ADPRHL1: variants seen among roughly 807,000 people sequenced by gnomAD.
ADPRHL1 encodes ADP-ribosylhydrolase like 1.
ADPRHL1 carries 43 observed loss-of-function variants against 44.1 expected under a neutral mutation model. That is an observed-to-expected ratio of 0.98 (90% CI 0.76 to 1.26). The LOEUF (loss-of-function observed/expected upper bound fraction) is 1.26. Among genes scored for constraint, ADPRHL1 ranks in the 50% most tolerant of loss-of-function variants. The pLI is 0.00. For synonymous variants in ADPRHL1, 878 were observed against 1,017.4 expected, an observed-to-expected ratio of 0.86 and a Z score of 2.61; for missense variants, 2,022 against 2,496.9, an observed-to-expected ratio of 0.81 and a Z score of 4.05.
chr13:113,417,459 CCAGACA>C (rs952887767), intron 7 of ADPRHL1, among the ~76,000 whole-genome samples: 12 of 152,248 alleles, frequency 7.9e-5, no homozygotes, highest in Non-Finnish European at 1.2e-4. Context: ...GTGTGTGGTG[CCAGACA>C]CAGAGTGCCC....
At chr13:113,436,358 C>T (rs2044056168) in intron 2 of ADPRHL1, among the ~76,000 whole-genome samples, 1 of 122,884 alleles carries the variant, frequency 8.1e-6, no homozygotes, top group Admixed American at 8.3e-5. Flanking sequence ...CCCCGGGACC[C>T]AGCACCCAGG....
At position 113,453,179 on chromosome 13, in the gene ADPRHL1, T is replaced by C. The variant is rs371511123; in HGVS notation, c.214+45A>G. 5.0e-6 allele frequency: 8 copies of C among 1,604,212 alleles called. No individual in the cohort carries two copies. Among genetic ancestry groups the C allele is most frequent in the Non-Finnish European group, 5.1e-6 (6 of 1,172,192 alleles). On this transcript the variant is annotated intron_variant, in intron 1 of 7. Coordinates refer to ENST00000612156, the MANE Select transcript of ADPRHL1 (RefSeq NM_001394807.1). The surrounding 1 kb of genome is among the most constrained non-coding windows in gnomAD (Gnocchi z 5.4). The stretch of plus-strand genomic sequence containing the variant: ...TTACTGGGAGAACTCGAGCAGCCAG[T>C]GTTCCCTCCAGCCCGCACACCGGAG...
At chr13:113,412,130 G>A (rs1487358549) in intron 7 of ADPRHL1, among the ~76,000 whole-genome samples, 2 of 152,186 alleles carry the variant, frequency 1.3e-5, no homozygotes, top group East Asian at 3.9e-4. Flanking sequence ...CCAGCTCAGC[G>A]TGTGCTGCTG....
chr13:113,445,623 A>G (rs1214394852), intron 1 of ADPRHL1, among the ~76,000 whole-genome samples: 5 of 152,106 alleles, frequency 3.3e-5, no homozygotes, highest in Non-Finnish European at 7.4e-5. Flanking sequence ...GAGGGGTGGG[A>G]ATGAATGGGG....
At chr13:113,438,681 CA>C (rs199850363) in intron 2 of ADPRHL1, among the ~76,000 whole-genome samples, 1 of 150,356 alleles carries the variant, frequency 6.7e-6, no homozygotes, top group South Asian at 2.1e-4. Flanking sequence ...GACTCCATCT[CA>C]AAAAAAAAAT....
intron 2 of ADPRHL1, among the ~76,000 whole-genome samples, chr13:113,442,059 T>C (rs2044103261): frequency 6.6e-6 from 1 of 152,274 alleles, no homozygotes. Flanking sequence ...TCCATTAGCA[T>C]TTCTTGTTAC....
chr13:113,437,508 G>A (rs1022572117), intron 2 of ADPRHL1, among the ~76,000 whole-genome samples: 3 of 152,188 alleles, frequency 2.0e-5, no homozygotes, highest in Non-Finnish European at 4.4e-5. Context: ...TGCTGCGACC[G>A]TGCGTGTTAC....
intron 7 of ADPRHL1, among the ~76,000 whole-genome samples, chr13:113,413,267 C>T (rs950226380): frequency 2.0e-5 from 3 of 152,256 alleles, no homozygotes; most frequent in Non-Finnish European, 1.5e-5. Context: ...CGCCCAACCT[C>T]GCTGTGCCCT....
At chr13:113,431,891 T>C (rs972478633) in intron 3 of ADPRHL1, among the ~76,000 whole-genome samples, 3 of 152,038 alleles carry the variant, frequency 2.0e-5, no homozygotes, top group Non-Finnish European at 4.4e-5. Context: ...AATTTTTGTA[T>C]TTTTTAGTAG....
rs2043946967 is a variant in ADPRHL1, at chr13:113,424,259, T to C, written c.865A>G (p.Asn289Asp). ...CGGTGACACAGCTCAGTCCAGCTGT[T>C]TCCTGCTGCAAGGAGGGCGTCATAG... is the stretch of plus-strand genomic sequence containing the variant. ...IAYDALLAAG[N>D]SWTELCHRAM... Residue 289 changes from asparagine (N) to aspartate (D), a missense_variant, in exon 6 of 8, where the codon AAC becomes GAC. This residue lies in a region of ADPRHL1 where 437 missense variants were observed against 430.7 expected (regional missense o/e 1.01). Coordinates refer to ENST00000612156, the MANE Select transcript of ADPRHL1 (RefSeq NM_001394807.1). 3 of 1,612,788 alleles carry C rather than the reference T, an allele frequency of 1.9e-6. No homozygotes were observed. The highest frequency in any genetic ancestry group is 1.7e-5 in the Admixed American group (1 of 59,980).
chr13:113,446,011 T>G lies in ADPRHL1; in HGVS notation c.215-1422A>C, dbSNP rs117198367. ...GAGGCTGCACACCCCCCAGAGAGAGTGCTTGGGGCCCAGCGGCTGCAAACC... is the reference window on the plus strand; with the variant it reads ...GAGGCTGCACACCCCCCAGAGAGAGGGCTTGGGGCCCAGCGGCTGCAAACC... On this transcript the variant is annotated intron_variant, in intron 1 of 7. Transcript: ENST00000612156. Among the ~76,000 whole-genome samples the G allele has an allele frequency of 7.8e-4, 101 of 129,112 alleles. 3 individuals carry two copies. In the East Asian group the frequency reaches 0.021, roughly 27 times the overall value. 84.7% of individuals were successfully genotyped at this position (129,112 alleles called of 152,430 possible).
chr13:113,433,907 A>C (rs1167322324), intron 2 of ADPRHL1, 40 bp from the exon 3 acceptor site: 11 of 1,498,944 alleles, frequency 7.3e-6, no homozygotes, highest in Non-Finnish European at 9.9e-6. Flanking sequence ...CTTCTGCTCC[A>C]ATAATTCCAC....
intron 1 of ADPRHL1, among the ~76,000 whole-genome samples, chr13:113,446,953 CGGT>C (rs2044143610): frequency 7.6e-6 from 1 of 132,262 alleles, no homozygotes; most frequent in Non-Finnish European, 1.6e-5. Flanking sequence ...TCTACACTCA[CGGT>C]GTTGTGTGTG....
chr13:113,424,614 G>T (rs1364602840), intron 5 of ADPRHL1, among the ~76,000 whole-genome samples: 1 of 107,108 alleles, frequency 9.3e-6, no homozygotes, highest in South Asian at 3.0e-4. Flanking sequence ...ACCAGCACAC[G>T]TGGCTAATTT....
intron 7 of ADPRHL1, among the ~76,000 whole-genome samples, chr13:113,413,557 T>C (rs891017019): frequency 6.6e-6 from 1 of 152,238 alleles, no homozygotes; most frequent in Non-Finnish European, 1.5e-5. Flanking sequence ...CTTCACTTGC[T>C]GTGAAGGTGG....
chr13:113,438,096 G>C (rs1056333373), intron 2 of ADPRHL1, among the ~76,000 whole-genome samples: 27 of 152,058 alleles, frequency 1.8e-4, no homozygotes, highest in African/African-American at 6.5e-4. Flanking sequence ...CTCCCAAAGT[G>C]CTGGGATTAC....
chr13:113,432,401 C>T (rs970840620), intron 3 of ADPRHL1, among the ~76,000 whole-genome samples: 7 of 152,240 alleles, frequency 4.6e-5, no homozygotes, highest in African/African-American at 1.2e-4. Context: ...AGGTGTGAGC[C>T]GCTGCACCTG....
At chr13:113,418,825 G>A (rs1165672023) in intron 7 of ADPRHL1, among the ~76,000 whole-genome samples, 2 of 152,072 alleles carry the variant, frequency 1.3e-5, no homozygotes, top group Non-Finnish European at 2.9e-5. Context: ...GGGAGTGAGA[G>A]GCACTCATCC....
At position 113,409,251 on chromosome 13, in the gene ADPRHL1, G is replaced by T. The variant is rs917258659; in HGVS notation, c.1062-1031C>A. ...CTCCTGAGCAGCCGTGACCACAGGA[G>T]CAAAGCTGGAAGGTCTCCCCATCTG... On this transcript the variant is annotated intron_variant, in intron 7 of 7. Transcript: ENST00000612156. This position sits in a 1 kb window ranked among gnomAD's most constrained non-coding sequence, Gnocchi z 4.2. 12 of 977,250 alleles carry T rather than the reference G, an allele frequency of 1.2e-5. No homozygotes were observed. In the South Asian group the frequency reaches 4.7e-4, roughly 38 times the overall value. 60.5% of individuals were successfully genotyped at this position (977,250 alleles called of 1,614,324 possible). A position where few individuals can be genotyped will look rare whatever the true frequency, so the allele number is the denominator to read the frequency against.
Sources: allele counts gnomAD v4.1 joint callset (sites outside exome capture counted in the v4.1 genomes callset), GRCh38; gene constraint gnomAD v4.1.1; regional missense constraint gnomAD v4.1.1; non-coding constraint Gnocchi (gnomAD v3.1); transcripts MANE v1.5; gene names NCBI Gene and HGNC (gene_info 2026-07-23, HGNC 2026-07-21).